XIRP2: variants seen among roughly 807,000 people sequenced by gnomAD.
The protein encoded by XIRP2 is xin actin-binding repeat-containing protein 2.
A neutral mutation model predicts 277.0 loss-of-function variants in XIRP2; 236 were observed. The observed-to-expected ratio is 0.85, with a 90% confidence interval of 0.77 to 0.95. The LOEUF (loss-of-function observed/expected upper bound fraction) is 0.95, where lower values mean the gene tolerates loss of function less well. Among genes scored for constraint, XIRP2 ranks in the 40% least tolerant of loss-of-function variants. The pLI is 0.00. For missense variants in XIRP2, 4,640 were observed against 4,157.5 expected, an observed-to-expected ratio of 1.12 and a Z score of -3.19; for synonymous variants, 1,490 against 1,416.5, an observed-to-expected ratio of 1.05 and a Z score of -1.17.
chr2:166,914,111 G>C (rs1363052775), intron 2 of XIRP2, among the ~76,000 whole-genome samples: 2 of 152,146 alleles, frequency 1.3e-5, no homozygotes, highest in Admixed American at 1.3e-4. Flanking sequence ...TTTATCAGAG[G>C]AACACAGGAT....
In XIRP2 at chr2:166,903,545, T is replaced by C; in HGVS notation, c.63T>C (p.Tyr21=). 1 of 1,613,580 alleles carries C rather than the reference T, an allele frequency of 6.2e-7. No individual in the cohort carries two copies. Among genetic ancestry groups the C allele is most frequent in the Non-Finnish European group, 8.5e-7 (1 of 1,179,736 alleles). The change falls in exon 2 of 11, where the codon TAT becomes TAC. Residue 21 remains tyrosine, a synonymous_variant. Transcript: ENST00000409195. The stretch of plus-strand genomic sequence containing the variant: ...GGCAGAAATGGGAATCTTGTGATTA[T>C]CAGAGAAGTGAGTGTCATCCCAGGG... The part of the protein sequence containing the change: ...LLRQKWESCD[Y]QRSECHPRDS...
At position 167,239,925 on chromosome 2, in the gene XIRP2, G is replaced by C; in HGVS notation, c.929G>C (p.Gly310Ala). The C allele has an allele frequency of 2.5e-6, 4 of 1,603,004 alleles. No individual in the cohort carries two copies. The highest frequency in any genetic ancestry group is 2.3e-5 in the South Asian group (2 of 88,108). Residue 310 changes from glycine to alanine, a missense_variant, in exon 6 of 11, where the codon GGG (glycine) becomes GCG (alanine). Transcript: ENST00000409195. ...SQEMARNEQE[G>A]SKVQKIDVHG... ...GAAATGGCAAGAAATGAACAAGAAG[G>C]GTCCAAAGTACAGAAAATTGATGTT...
At chr2:167,163,740 CAA>C (rs1373363056) in intron 3 of XIRP2, among the ~76,000 whole-genome samples, 1 of 152,136 alleles carries the variant, frequency 6.6e-6, no homozygotes, top group Non-Finnish European at 1.5e-5. Flanking sequence ...TCTAGAATTG[CAA>C]AGATATTTCT....
intron 2 of XIRP2, among the ~76,000 whole-genome samples, chr2:167,013,223 A>G (rs1344659443): frequency 6.6e-6 from 1 of 151,442 alleles, no homozygotes; most frequent in Admixed American, 6.6e-5. Flanking sequence ...TTTCATGCAA[A>G]TATATGATAT....
In XIRP2 at chr2:167,248,707, G is replaced by A. The variant is rs563915541; in HGVS notation, c.7315G>A (p.Asp2439Asn). The A allele has an allele frequency of 6.8e-6, 11 of 1,613,644 alleles. No individual in the cohort carries two copies. The highest frequency in any genetic ancestry group is 9.3e-6 in the Non-Finnish European group (11 of 1,179,796). ...LPKHIKDNKNDFSPKVELATS... is the reference protein window; with the variant it reads ...LPKHIKDNKNNFSPKVELATS... ...CAAGCATATAAAAGATAATAAGAAC[G>A]ATTTTTCCCCCAAAGTTGAACTGGC... Residue 2439 changes from aspartate (D) to asparagine (N), a missense_variant, in exon 9 of 11, where the codon GAT (aspartate) becomes AAT (asparagine). By Grantham distance (23) the Asp-to-Asn change is conservative. Transcript: ENST00000409195.
chr2:167,139,634 A>G (rs777665916), intron 3 of XIRP2, among the ~76,000 whole-genome samples: 3 of 152,284 alleles, frequency 2.0e-5, no homozygotes, highest in Admixed American at 6.5e-5. Flanking sequence ...GGATCCTTCC[A>G]GTCATTAATG....
In XIRP2 at chr2:167,249,738, A is replaced by C; in HGVS notation, c.8346A>C (p.Val2782=). Residue 2782 remains valine (V), a synonymous_variant, in exon 9 of 11, where the codon GTA becomes GTC. Coordinates refer to ENST00000409195, the MANE Select transcript of XIRP2 (RefSeq NM_152381.6). ...QLPKKEKRVT[V]QLPTESIQKN... Reference sequence around the variant, plus strand: ...CTAAGAAGGAGAAAAGAGTGACAGTACAATTGCCTACAGAATCCATACAGA... The same window carrying C: ...CTAAGAAGGAGAAAAGAGTGACAGTCCAATTGCCTACAGAATCCATACAGA... The C allele has an allele frequency of 6.2e-7, 1 of 1,613,416 alleles. No homozygotes were observed. The highest frequency in any genetic ancestry group is 8.5e-7 in the Non-Finnish European group (1 of 1,179,734).
intron 3 of XIRP2, among the ~76,000 whole-genome samples, chr2:167,149,651 C>G (rs183329149): frequency 5.3e-4 from 80 of 151,456 alleles, no homozygotes; most frequent in African/African-American, 1.8e-3. Flanking sequence ...TATAAAAATC[C>G]CCAACTCAAA....
intron 3 of XIRP2, among the ~76,000 whole-genome samples, chr2:167,188,441 A>C (rs562098625): frequency 6.6e-6 from 1 of 152,310 alleles, no homozygotes; most frequent in South Asian, 2.1e-4. Context: ...CCAGTGCTCT[A>C]TTTGGTCACT....
At position 167,258,500 on chromosome 2, in the gene XIRP2, A is replaced by G. The variant is rs1695732510; in HGVS notation, c.*683A>G. ...TGAAGCTGAAGACACAAAGAGTAAC[A>G]GGAAAAGTGCTATGGATCTTAATGA... On this transcript the variant is annotated 3_prime_UTR_variant, in exon 11 of 11. Transcript: ENST00000409195. 1 of 1,613,258 alleles carries G rather than the reference A, an allele frequency of 6.2e-7. No individual in the cohort carries two copies.
In XIRP2 at chr2:167,047,052, A is replaced by G. The variant is rs554524966; in HGVS notation, c.409-88857A>G. On this transcript the variant is annotated intron_variant, in intron 2 of 10. Transcript: ENST00000409195. ...TTCGTCTAAGATTACAAACAAAATA[A>G]GGACACCCACTGCCTCAACTACTGT... Among the ~76,000 whole-genome samples the G allele has an allele frequency of 1.2e-4, 19 of 152,128 alleles. No homozygotes were observed. In the South Asian group the frequency reaches 3.7e-3, roughly 30 times the overall value.
At chr2:166,962,199 AG>A (rs1686317207) in intron 2 of XIRP2, among the ~76,000 whole-genome samples, 1 of 151,736 alleles carries the variant, frequency 6.6e-6, no homozygotes, top group South Asian at 2.1e-4. Flanking sequence ...ACATATCCAA[AG>A]GTCATCTAAA....
Position 167,244,355 on chromosome 2 carries a change from T to C in XIRP2, c.2963T>C (p.Leu988Pro), listed in dbSNP as rs1435249871. The C allele has an allele frequency of 1.9e-6, 3 of 1,613,656 alleles. No individual in the cohort carries two copies. The highest frequency in any genetic ancestry group is 1.1e-5 in the South Asian group (1 of 90,996). Reference protein sequence around the residue: ...LNKSLFETTPLYAIQDPLGKY... With the variant: ...LNKSLFETTPPYAIQDPLGKY... ...AAATCTCTCTTCGAGACAACACCAC[T>C]GTATGCCATTCAAGATCCCCTTGGA... The change falls in exon 9 of 11, where the codon CTG (leucine) becomes CCG (proline). Residue 988 changes from leucine (L) to proline (P), a missense_variant. Leu to Pro is a moderately conservative substitution (Grantham distance 98). Transcript: ENST00000409195.
intron 2 of XIRP2, among the ~76,000 whole-genome samples, chr2:167,007,924 T>C (rs1213297002): frequency 1.3e-5 from 2 of 151,572 alleles, no homozygotes; most frequent in Non-Finnish European, 3.0e-5. Flanking sequence ...TTTTATAATA[T>C]TTGTGGTATT....
intron 2 of XIRP2, among the ~76,000 whole-genome samples, chr2:167,062,806 T>C (rs1689204470): frequency 6.6e-6 from 1 of 152,064 alleles, no homozygotes; most frequent in Non-Finnish European, 1.5e-5. Flanking sequence ...TTCATTATGA[T>C]ATTCAAAATT....
At chr2:167,006,925 ATC>A (rs1687518026) in intron 2 of XIRP2, among the ~76,000 whole-genome samples, 2 of 151,686 alleles carry the variant, frequency 1.3e-5, no homozygotes, top group Admixed American at 1.3e-4. Context: ...CACTAAAGTA[ATC>A]TAGAAAAGTA....
intron 3 of XIRP2, among the ~76,000 whole-genome samples, chr2:167,199,456 C>T (rs561687770): frequency 6.6e-6 from 1 of 152,314 alleles, no homozygotes; most frequent in African/African-American, 2.4e-5. Context: ...GTTCACTACA[C>T]ATGACCCAGC....
intron 2 of XIRP2, among the ~76,000 whole-genome samples, chr2:167,115,926 AG>A (rs535744354): frequency 2.2e-4 from 33 of 152,272 alleles, no homozygotes; most frequent in African/African-American, 5.8e-4. Context: ...TAAGTTTCCA[AG>A]AGTTTGATGA....
chr2:166,977,991 C>G (rs1686760180), intron 2 of XIRP2, among the ~76,000 whole-genome samples: 2 of 151,876 alleles, frequency 1.3e-5, no homozygotes, highest in Admixed American at 1.3e-4. Context: ...ATAAATTTTC[C>G]ATTTAAATTT....
Sources: gnomAD v4.1 joint callset for allele counts (sites outside exome capture counted in the v4.1 genomes callset) on GRCh38, gnomAD v4.1.1 for gene constraint, MANE v1.5 for transcripts, NCBI Gene and HGNC (gene_info 2026-07-23, HGNC 2026-07-21) for gene names.